The following SRCIN1 variants were observed in gnomAD, a reference collection of about 807,000 sequenced individuals.
SRCIN1 encodes the protein SRC kinase signaling inhibitor 1.
In SRCIN1, 50 loss-of-function variants were observed where a neutral mutation model predicts 116.2. The ratio of observed to expected loss-of-function variants is 0.43; its 90% CI spans 0.34 to 0.54. The LOEUF (loss-of-function observed/expected upper bound fraction) is 0.54, where lower values mean the gene tolerates loss of function less well. SRCIN1 is among the 20% of genes least tolerant of loss of function. The pLI is 0.02. For synonymous variants in SRCIN1, 736 were observed against 750.0 expected, an observed-to-expected ratio of 0.98 and a Z score of 0.30; for missense variants, 1,446 against 1,672.0, an observed-to-expected ratio of 0.86 and a Z score of 2.36.
In SRCIN1 at chr17:38,543,880, G is replaced by T. The variant is rs1904906486; in HGVS notation, c.3360C>A (p.Asp1120Glu). 1 of 1,607,716 alleles carries T rather than the reference G, an allele frequency of 6.2e-7. No homozygotes were observed. The highest frequency in any genetic ancestry group is 1.1e-5 in the South Asian group (1 of 91,030). The change falls in exon 18 of 19, where the codon GAC becomes GAA. Residue 1120 changes from aspartate (D) to glutamate (E), a missense_variant. Asp to Glu is a conservative substitution (Grantham distance 45, BLOSUM62 2). This residue lies in a region of SRCIN1 where 531 missense variants were observed against 633.9 expected (regional missense o/e 0.84). Transcript: ENST00000617146. ...KAAQGQAGSP[D>E]KSKHGKQRAE... ...CCCTCTGCTTGCCATGTTTGCTTTT[G>T]TCGGGGCTGCCCGCCTGGCCCTGGG...
chr17:38,568,219 T>C lies in SRCIN1; in HGVS notation c.337A>G (p.Ser113Gly), dbSNP rs1411534638. ...AGGCATCACACACTGACCTTGAAAC[T>C]CCAGTAGTTTGGCTGCTGATGGAAA... ...DRMREQPNYWSFKTRSSRHTQ... is the reference protein window; with the variant it reads ...DRMREQPNYWGFKTRSSRHTQ... The change falls in exon 3 of 19, where the codon AGT becomes GGT. Residue 113 changes from serine (S) to glycine (G), a missense_variant. By Grantham distance (56) the Ser-to-Gly change is moderately conservative. Transcript: ENST00000617146. This position sits in a 1 kb window ranked among gnomAD's most constrained non-coding sequence, Gnocchi z 4.5. 6.2e-7 allele frequency: 1 copy of C among 1,613,156 alleles called. No homozygotes were observed. The highest frequency in any genetic ancestry group is 1.1e-5 in the South Asian group (1 of 90,742).
intron 1 of SRCIN1, among the ~76,000 whole-genome samples, chr17:38,582,939 G>C (rs1410037094): frequency 6.6e-6 from 1 of 152,042 alleles, no homozygotes; most frequent in Admixed American, 6.5e-5. Context: ...CTCCTGGGGG[G>C]GCTCTGAAGA....
chr17:38,564,369 T>G lies in SRCIN1; in HGVS notation c.346-56A>C, dbSNP rs765624329. ...AAGGATGAGCACCCCCCCTCCCCTTTGCTTGTCACTGCCCATATCCAGGCC... is the reference window on the plus strand; with the variant it reads ...AAGGATGAGCACCCCCCCTCCCCTTGGCTTGTCACTGCCCATATCCAGGCC... On this transcript the variant is annotated intron_variant, in intron 3 of 18. Transcript: ENST00000617146. The G allele has an allele frequency of 7.4e-5, 106 of 1,434,002 alleles. 1 individual carries two copies. Among genetic ancestry groups the G allele is most frequent in the Admixed American group, 4.1e-4 (19 of 45,914 alleles). 88.8% of individuals were successfully genotyped at this position (1,434,002 alleles called of 1,614,324 possible). A position where few individuals can be genotyped will look rare whatever the true frequency, so the allele number is the denominator to read the frequency against.
Position 38,558,732 on chromosome 17 carries a change from A to AG in SRCIN1, c.2026-331dup. Among the ~76,000 whole-genome samples, 1 of 151,912 alleles carries AG rather than the reference A, an allele frequency of 6.6e-6. No individual in the cohort carries two copies. The highest frequency in any genetic ancestry group is 1.5e-5 in the Non-Finnish European group (1 of 67,988). ...TGGCCGCGAGCAGGGGTGGTATTGC[A>AG]GGGGGAGGAGGGCAAGGTTAAGTTC... On this transcript the variant is annotated intron_variant, in intron 10 of 18. Coordinates refer to ENST00000617146, the MANE Select transcript of SRCIN1 (RefSeq NM_025248.3). The surrounding 1 kb of genome is among the most constrained non-coding windows in gnomAD (Gnocchi z 4.6).
chr17:38,593,389 G>A (rs1003572699), intron 1 of SRCIN1, among the ~76,000 whole-genome samples: 76 of 152,218 alleles, frequency 5.0e-4, no homozygotes, highest in African/African-American at 1.6e-3. Flanking sequence ...TGCTGCCAGA[G>A]TGCAGAGAGT....
Position 38,563,604 on chromosome 17 carries a change from T to C in SRCIN1, c.542-83A>G. On this transcript the variant is annotated intron_variant, in intron 4 of 18. Transcript: ENST00000617146. This position sits in a 1 kb window ranked among gnomAD's most constrained non-coding sequence, Gnocchi z 5.8. ...GAGAGCGCGGGGAGCTTTTCGGAGC[T>C]GCGCCAGCCCCGCAGCGGCAGGGTC... 1.3e-6 allele frequency: 2 copies of C among 1,512,282 alleles called. No homozygotes were observed. The highest frequency in any genetic ancestry group is 2.8e-5 in the African/African-American group (2 of 72,666). The allele number at this position is 1,512,282 out of a possible 1,614,324, so 93.7% of individuals were successfully genotyped here. A position where few individuals can be genotyped will look rare whatever the true frequency, so the allele number is the denominator to read the frequency against.
chr17:38,546,323 G>A (rs1905068666), intron 17 of SRCIN1: 1 of 152,404 alleles, frequency 6.6e-6, no homozygotes, highest in Admixed American at 6.5e-5. Context: ...GGCAGAGCCT[G>A]GATTTGAACC....
At chr17:38,593,994 G>T (rs567231385) in intron 1 of SRCIN1, among the ~76,000 whole-genome samples, 1 of 152,248 alleles carries the variant, frequency 6.6e-6, no homozygotes, top group Non-Finnish European at 1.5e-5. Flanking sequence ...CAGAAAGTAA[G>T]TCTTGTAAGG....
rs767667596 is a variant in SRCIN1 at position 38,548,577 on chromosome 17, GATCCTCGTC to G, written c.3241_3249del (p.Asp1081_Asp1083del). ...CCTACCTCTAGCTCTGCGATGATGC[GATCCTCGTC>G]ATCCTCGTCCTTGATGGCCGAGGCC... is the stretch of plus-strand genomic sequence containing the variant. On this transcript the variant is annotated inframe_deletion, in exon 17 of 19. Transcript: ENST00000617146. The G allele has an allele frequency of 6.2e-7, 1 of 1,612,250 alleles. No homozygotes were observed. Among genetic ancestry groups the G allele is most frequent in the South Asian group, 1.1e-5 (1 of 91,082 alleles).
At position 38,530,864 on chromosome 17, in the gene SRCIN1, A is replaced by G. The variant is rs867471601; in HGVS notation, c.*2433T>C. The G allele has an allele frequency of 1.3e-5, 2 of 152,184 alleles. No homozygotes were observed. Among genetic ancestry groups the G allele is most frequent in the African/African-American group, 4.8e-5 (2 of 41,414 alleles). 9.4% of individuals were successfully genotyped at this position (152,184 alleles called of 1,614,324 possible). A position where few individuals can be genotyped will look rare whatever the true frequency, so the allele number is the denominator to read the frequency against. ...CCTATGTGCCCACGCCTTCCCCCAC[A>G]CATGTGCTCGGCCATGCCTGTGGGT... is the stretch of plus-strand genomic sequence containing the variant. On this transcript the variant is annotated 3_prime_UTR_variant, in exon 19 of 19. Coordinates refer to ENST00000617146, the MANE Select transcript of SRCIN1 (RefSeq NM_025248.3).
chr17:38,564,360 C>T lies in SRCIN1; in HGVS notation c.346-47G>A, dbSNP rs774795860. The T allele has an allele frequency of 1.9e-4, 252 of 1,303,544 alleles. 4 individuals are homozygous for T. In the South Asian group the frequency reaches 3.6e-3, roughly 19 times the overall value. 80.7% of individuals were successfully genotyped at this position (1,303,544 alleles called of 1,614,324 possible). A position where few individuals can be genotyped will look rare whatever the true frequency, so the allele number is the denominator to read the frequency against. ...AGAGGAACCAAGGATGAGCACCCCCCCTCCCCTTTGCTTGTCACTGCCCAT... is the reference window on the plus strand; with the variant it reads ...AGAGGAACCAAGGATGAGCACCCCCTCTCCCCTTTGCTTGTCACTGCCCAT... On this transcript the variant is annotated intron_variant, in intron 3 of 18. Transcript: ENST00000617146.
intron 1 of SRCIN1, among the ~76,000 whole-genome samples, chr17:38,601,686 C>T (rs1209258082): frequency 2.0e-5 from 3 of 152,016 alleles, no homozygotes; most frequent in African/African-American, 7.3e-5. Flanking sequence ...ACACACATCG[C>T]TAAGTGCTCT....
intron 2 of SRCIN1, among the ~76,000 whole-genome samples, chr17:38,571,540 C>T (rs937065226): frequency 6.6e-6 from 1 of 152,134 alleles, no homozygotes; most frequent in African/African-American, 2.4e-5. Flanking sequence ...GTCTGGCTGT[C>T]CACCTCAAGC....
Position 38,552,010 on chromosome 17 carries a change from G to A in SRCIN1, c.2603C>T (p.Pro868Leu), listed in dbSNP as rs376054790. 81 of 1,613,786 alleles carry A rather than the reference G, an allele frequency of 5.0e-5. No individual in the cohort carries two copies. The highest frequency in any genetic ancestry group is 1.6e-4 in the Middle Eastern group (1 of 6,084). ...VDFEMPPPSP[P>L]LNLHELSGPA... The stretch of plus-strand genomic sequence containing the variant: ...CCCGCTCAGCTCATGCAGGTTCAGC[G>A]GGGGGCTGGGGGGTGGCATTTCGAA... The change falls in exon 14 of 19, where the codon CCG (proline) becomes CTG (leucine). Residue 868 changes from proline to leucine, a missense_variant. By Grantham distance (98) the Pro-to-Leu change is moderately conservative. Coordinates refer to ENST00000617146, the MANE Select transcript of SRCIN1 (RefSeq NM_025248.3). The surrounding 1 kb of genome is among the most constrained non-coding windows in gnomAD (Gnocchi z 5.3).
rs1364606184 is a variant in SRCIN1 at position 38,604,651 on chromosome 17, G to C, written c.22+1033C>G. 2.5e-6 allele frequency: 1 copy of C among 405,030 alleles called. No homozygotes were observed. The highest frequency in any genetic ancestry group is 2.7e-5 in the Admixed American group (1 of 36,918). 25.1% of individuals were successfully genotyped at this position (405,030 alleles called of 1,614,324 possible). On this transcript the variant is annotated intron_variant, in intron 1 of 18. Transcript: ENST00000617146. This position sits in a 1 kb window ranked among gnomAD's most constrained non-coding sequence, Gnocchi z 4.3. ...GAGCACCAGCAGCCGCACACGCCCCGCCGGGCCCTGACAGCTGAGCTGCGG... is the reference window on the plus strand; with the variant it reads ...GAGCACCAGCAGCCGCACACGCCCCCCCGGGCCCTGACAGCTGAGCTGCGG...
At chr17:38,571,207 G>A (rs1010083142) in intron 2 of SRCIN1, among the ~76,000 whole-genome samples, 1 of 152,140 alleles carries the variant, frequency 6.6e-6, no homozygotes, top group Admixed American at 6.5e-5. Flanking sequence ...TCTAAGGTGG[G>A]ACATTCCCAG....
intron 11 of SRCIN1, among the ~76,000 whole-genome samples, chr17:38,554,210 CAAAA>C (rs1008568582): frequency 8.1e-6 from 1 of 124,136 alleles, no homozygotes; most frequent in Non-Finnish European, 1.7e-5. Flanking sequence ...GACTCTGTCT[CAAAA>C]AAAAAAAAAA....
chr17:38,598,448 C>T (rs1908839864), intron 1 of SRCIN1, among the ~76,000 whole-genome samples: 2 of 152,142 alleles, frequency 1.3e-5, no homozygotes, highest in African/African-American at 4.8e-5. Flanking sequence ...CCCCCGCAAT[C>T]TCCCCAGCTC....
At chr17:38,560,723 C>T (rs553982236) in intron 7 of SRCIN1, among the ~76,000 whole-genome samples, 1 of 152,152 alleles carries the variant, frequency 6.6e-6, no homozygotes, top group South Asian at 2.1e-4. Context: ...CCAGGGGCCC[C>T]GAGGAACGCC....
Sources: gnomAD v4.1 joint callset for allele counts (sites outside exome capture counted in the v4.1 genomes callset) on GRCh38, gnomAD v4.1.1 for gene constraint, gnomAD v4.1.1 regional missense constraint, Gnocchi (gnomAD v3.1) non-coding constraint, MANE v1.5 for transcripts, NCBI Gene and HGNC (gene_info 2026-07-23, HGNC 2026-07-21) for gene names.